Variants in DAB2IP observed in about 807,000 individuals in gnomAD.
The protein encoded by DAB2IP is DAB2 interacting protein.
A neutral mutation model predicts 107.2 loss-of-function variants in DAB2IP; 28 were observed. That is an observed-to-expected ratio of 0.26 (90% confidence interval 0.19 to 0.36). The LOEUF (loss-of-function observed/expected upper bound fraction) is 0.36, where lower values mean the gene tolerates loss of function less well. Among genes scored for constraint, DAB2IP ranks in the 10% least tolerant of loss-of-function variants. The probability of loss-of-function intolerance (pLI) is 1.00; values close to 1 mark genes in which losing one functional copy is unlikely to be tolerated. For missense variants in DAB2IP, 1,400 were observed against 1,644.7 expected (o/e 0.85, Z 2.57); for synonymous variants, 755 against 706.4 (o/e 1.07, Z -1.09).
At chr9:121,642,017 C>CTTTCTTTCTT (rs1832349064) in intron 1 of DAB2IP, among the ~76,000 whole-genome samples, 1 of 15,194 alleles carries the variant, frequency 6.6e-5, no homozygotes, top group East Asian at 3.4e-3. Flanking sequence ...CTCTCTCTCT[C>CTTTCTTTCTT]TCTCTCTCTC....
chr9:121,573,261 G>T (rs1300622459), intron 1 of DAB2IP, among the ~76,000 whole-genome samples: 1 of 151,926 alleles, frequency 6.6e-6, no homozygotes, highest in Admixed American at 6.6e-5. Flanking sequence ...TTTTTTGGTA[G>T]AGGCGGGGTT....
intron 3 of DAB2IP, among the ~76,000 whole-genome samples, chr9:121,747,944 C>A (rs1182264991): frequency 6.6e-6 from 1 of 151,846 alleles, no homozygotes. Flanking sequence ...TAGGCTTGCA[C>A]AGTTTATACG....
In DAB2IP at chr9:121,772,999, C is replaced by T; in HGVS notation, c.2471C>T (p.Ala824Val). 1 of 1,610,400 alleles carries T rather than the reference C, an allele frequency of 6.2e-7. No homozygotes were observed. The highest frequency in any genetic ancestry group is 8.5e-7 in the Non-Finnish European group (1 of 1,178,986). ...GCGCCAGGCCGGCCCCAGCTGTTGG[C>T]ACCGCTCTCCTTCCAGAACCCTGTG... The change falls in exon 12 of 16, where the codon GCA becomes GTA. Residue 824 changes from alanine to valine, a missense_variant. Transcript: ENST00000408936. The surrounding 1 kb of genome is among the most constrained non-coding windows in gnomAD (Gnocchi z 4.7).
chr9:121,770,598 C>T, exon 11 of DAB2IP: 1 of 1,614,174 alleles, frequency 6.2e-7, no homozygotes, highest in East Asian at 2.2e-5. Context: ...GACGTCCACA[C>T]AGCACTGAGC....
intron 1 of DAB2IP, among the ~76,000 whole-genome samples, chr9:121,673,857 C>T (rs963034378): frequency 4.6e-5 from 7 of 152,306 alleles, no homozygotes; most frequent in Admixed American, 6.5e-5. Flanking sequence ...GGCCTGGTTT[C>T]CCCATCTGTG....
At chr9:121,672,870 C>G (rs1833737233) in intron 1 of DAB2IP, among the ~76,000 whole-genome samples, 1 of 152,188 alleles carries the variant, frequency 6.6e-6, no homozygotes, top group Admixed American at 6.5e-5. Context: ...AGCTGTGGTG[C>G]TAGACCTATG....
At chr9:121,768,526 C>G in exon 10 of DAB2IP, 3 of 1,614,228 alleles carry the variant, frequency 1.9e-6, no homozygotes, top group Non-Finnish European at 2.5e-6. Context: ...GATCTCCAAC[C>G]CCGAGACCCT....
intron 1 of DAB2IP, among the ~76,000 whole-genome samples, chr9:121,569,510 G>A (rs1287464665): frequency 6.6e-6 from 1 of 152,206 alleles, no homozygotes; most frequent in East Asian, 1.9e-4. Context: ...ACACAACAAA[G>A]ATTTCAGAAA....
chr9:121,619,926 C>T (rs1301472121), intron 1 of DAB2IP, among the ~76,000 whole-genome samples: 4 of 57,946 alleles, frequency 6.9e-5, no homozygotes, highest in African/African-American at 1.0e-4. Flanking sequence ...GAAGAGAACC[C>T]CTATTTGGGT....
rs1835832070 is a variant in DAB2IP at position 121,783,891 on chromosome 9, G to A, written c.*1393G>A. On this transcript the variant is annotated 3_prime_UTR_variant, in exon 16 of 16. Coordinates refer to ENST00000408936, the Ensembl canonical transcript of DAB2IP. Reference sequence around the variant, plus strand: ...CCCCTGTCTGTTCCCAGCCCCTGCAGATTCTGAGCAAAGGCCCTGGGTAAG... The same window carrying A: ...CCCCTGTCTGTTCCCAGCCCCTGCAAATTCTGAGCAAAGGCCCTGGGTAAG... The A allele has an allele frequency of 1.4e-5, 5 of 350,546 alleles. No individual in the cohort carries two copies. In the Admixed American group the frequency reaches 1.5e-4, roughly 11 times the overall value. The allele number at this position is 350,546 out of a possible 1,614,324, so 21.7% of individuals were successfully genotyped here. A position where few individuals can be genotyped will look rare whatever the true frequency, so the allele number is the denominator to read the frequency against.
intron 3 of DAB2IP, among the ~76,000 whole-genome samples, chr9:121,722,199 C>T (rs544362721): frequency 3.3e-5 from 5 of 152,218 alleles, no homozygotes; most frequent in Non-Finnish European, 7.3e-5. Flanking sequence ...TGTGACCTCC[C>T]CTGCCATTTG....
chr9:121,617,859 C>T (rs532615089), intron 1 of DAB2IP, among the ~76,000 whole-genome samples: 21 of 152,162 alleles, frequency 1.4e-4, no homozygotes, highest in African/African-American at 4.3e-4. Flanking sequence ...GAGCGGGGTG[C>T]GTACTCACGT....
At chr9:121,667,835 G>A (rs892998078) in intron 1 of DAB2IP, among the ~76,000 whole-genome samples, 3 of 152,132 alleles carry the variant, frequency 2.0e-5, no homozygotes, top group Non-Finnish European at 2.9e-5. Flanking sequence ...GTATTAGTCT[G>A]TTTTCACGCT....
At chr9:121,585,848 A>T (rs72764035) in intron 1 of DAB2IP, among the ~76,000 whole-genome samples, 369 of 6,576 alleles carry the variant, frequency 0.056, 3 homozygotes, top group Middle Eastern at 0.12. Flanking sequence ...TTAGGGATTT[A>T]AAAAAAAAAA....
intron 2 of DAB2IP, among the ~76,000 whole-genome samples, chr9:121,683,580 C>T (rs1379086724): frequency 6.6e-6 from 1 of 152,146 alleles, no homozygotes; most frequent in Non-Finnish European, 1.5e-5. Flanking sequence ...GGAGAAGTGT[C>T]AGGGAGGGGA....
chr9:121,718,805 GC>G (rs1350591460), intron 3 of DAB2IP, among the ~76,000 whole-genome samples: 1 of 152,188 alleles, frequency 6.6e-6, no homozygotes, highest in African/African-American at 2.4e-5. Flanking sequence ...CTGGAATGCT[GC>G]CTTCTCTTTC....
At position 121,760,878 on chromosome 9, in the gene DAB2IP, G is replaced by A. The variant is rs1331749151; in HGVS notation, c.1170+439G>A. ...CCTCCCCAGCACGATGCACAGATGA[G>A]CCTCCCTCACAGCTCTACCTCACCC... On this transcript the variant is annotated intron_variant, in intron 6 of 15. Transcript: ENST00000408936. This position sits in a 1 kb window ranked among gnomAD's most constrained non-coding sequence, Gnocchi z 5.9. Among the ~76,000 whole-genome samples the A allele has an allele frequency of 6.6e-6, 1 of 152,166 alleles. No individual in the cohort carries two copies. Among genetic ancestry groups the A allele is most frequent in the Non-Finnish European group, 1.5e-5 (1 of 68,030 alleles).
At chr9:121,720,332 T>C (rs747396035) in intron 3 of DAB2IP, among the ~76,000 whole-genome samples, 4 of 152,150 alleles carry the variant, frequency 2.6e-5, no homozygotes, top group Non-Finnish European at 5.9e-5. Context: ...CCAGCACAGG[T>C]GCCCAGTAAA....
chr9:121,627,475 A>C (rs1186331019), intron 1 of DAB2IP, among the ~76,000 whole-genome samples: 2 of 152,000 alleles, frequency 1.3e-5, no homozygotes, highest in East Asian at 3.9e-4. Context: ...GAAGGATAGC[A>C]TGTAGAAGGA....
Sources: gnomAD v4.1 joint callset for allele counts (sites outside exome capture counted in the v4.1 genomes callset) on GRCh38, gnomAD v4.1.1 for gene constraint, Gnocchi (gnomAD v3.1) non-coding constraint, MANE v1.5 for transcripts, NCBI Gene and HGNC (gene_info 2026-07-23, HGNC 2026-07-21) for gene names.